Variants in PKIB observed in about 807,000 individuals in gnomAD.
PKIB encodes the protein PKI-beta.
Under a neutral mutation model 4.5 loss-of-function variants are expected in PKIB, and 2 were observed. That is an observed-to-expected ratio of 0.44 (90% confidence interval 0.18 to 1.39). PKIB has a LOEUF of 1.39. Among genes scored for constraint, PKIB ranks in the 40% most tolerant of loss-of-function variants. PKIB has a pLI of 0.27. For synonymous variants in PKIB, 38 were observed against 36.0 expected (o/e 1.06, Z -0.20); for missense variants, 94 against 92.6 (o/e 1.02, Z -0.06).
chr6:122,479,563 A>G (rs544669102), intron 2 of PKIB: 1 of 152,356 alleles, frequency 6.6e-6, no homozygotes, highest in South Asian at 2.1e-4. Context: ...GTGCTTAGAC[A>G]TCAGAAGTCT....
intron 3 of PKIB, among the ~76,000 whole-genome samples, chr6:122,694,820 A>G (rs182628280): frequency 4.6e-5 from 7 of 152,334 alleles, no homozygotes; most frequent in African/African-American, 1.4e-4. Flanking sequence ...CGAGGTGTAC[A>G]TAGCTGGGAG....
At chr6:122,645,034 G>A (rs995119726) in intron 2 of PKIB, among the ~76,000 whole-genome samples, 3 of 152,114 alleles carry the variant, frequency 2.0e-5, no homozygotes, top group Admixed American at 6.6e-5. Context: ...CTTTATAACT[G>A]TGCTATTAGA....
intron 2 of PKIB, among the ~76,000 whole-genome samples, chr6:122,584,286 T>A (rs1272995554): frequency 6.6e-6 from 1 of 152,124 alleles, no homozygotes; most frequent in Admixed American, 6.6e-5. Context: ...TTTTTTCTTA[T>A]CTCATGGTAA....
intron 4 of PKIB, among the ~76,000 whole-genome samples, chr6:122,719,688 A>G (rs989301758): frequency 6.6e-6 from 1 of 151,126 alleles, no homozygotes; most frequent in African/African-American, 2.4e-5. Flanking sequence ...TTGCCAAGTG[A>G]GTAGATTGTG....
intron 2 of PKIB, among the ~76,000 whole-genome samples, chr6:122,552,641 G>C (rs945334241): frequency 6.6e-6 from 1 of 152,200 alleles, no homozygotes; most frequent in South Asian, 2.1e-4. Flanking sequence ...GCCTCCCAAA[G>C]TGCTGGGATT....
At chr6:122,596,719 AC>A (rs200655599) in intron 3 of PKIB, among the ~76,000 whole-genome samples, 1,988 of 152,236 alleles carry the variant, frequency 0.013, 51 homozygotes, top group African/African-American at 0.046. Context: ...ACTGTGATTC[AC>A]CTATGAGAGC....
chr6:122,571,828 A>T (rs923152387), intron 2 of PKIB, among the ~76,000 whole-genome samples: 2 of 152,250 alleles, frequency 1.3e-5, no homozygotes, highest in Non-Finnish European at 2.9e-5. Context: ...AACATAATGA[A>T]GAAAAACAAA....
chr6:122,488,746 G>T (rs1212803947), intron 2 of PKIB, among the ~76,000 whole-genome samples: 1 of 152,130 alleles, frequency 6.6e-6, no homozygotes, highest in African/African-American at 2.4e-5. Flanking sequence ...GGAGCACTAC[G>T]TCTGCTCACT....
intron 2 of PKIB, among the ~76,000 whole-genome samples, chr6:122,646,628 G>T (rs1048763626): frequency 6.6e-6 from 1 of 152,120 alleles, no homozygotes; most frequent in African/African-American, 2.4e-5. Context: ...AAAAATCCGT[G>T]TTTCTTTTTA....
intron 3 of PKIB, among the ~76,000 whole-genome samples, chr6:122,714,419 T>C (rs4373394): frequency 0.99 from 150,107 of 152,286 alleles, 74,013 homozygotes; most frequent in Middle Eastern, 1. Context: ...ATGAATATAA[T>C]TTTAACAAAC....
intron 4 of PKIB, among the ~76,000 whole-genome samples, chr6:122,718,241 G>A (rs1279152310): frequency 2.0e-5 from 3 of 152,248 alleles, no homozygotes; most frequent in Admixed American, 2.0e-4. Context: ...GAATACAAAG[G>A]TGAACAAATA....
chr6:122,622,837 A>G (rs1258913586), intron 1 of PKIB, among the ~76,000 whole-genome samples: 1 of 152,190 alleles, frequency 6.6e-6, no homozygotes, highest in Non-Finnish European at 1.5e-5. Context: ...TGAACGTGCA[A>G]GTGATTTATG....
At chr6:122,592,977 G>A (rs987174636) in intron 3 of PKIB, among the ~76,000 whole-genome samples, 2 of 152,138 alleles carry the variant, frequency 1.3e-5, no homozygotes, top group African/African-American at 2.4e-5. Context: ...GTCAAGTAAC[G>A]TTAACATTTT....
At chr6:122,572,882 A>T (rs1773412400) in intron 2 of PKIB, among the ~76,000 whole-genome samples, 1 of 152,190 alleles carries the variant, frequency 6.6e-6, no homozygotes, top group African/African-American at 2.4e-5. Flanking sequence ...GAGGAAATGG[A>T]TAACTTCCTG....
At chr6:122,720,706 A>G (rs1468444423) in intron 4 of PKIB, among the ~76,000 whole-genome samples, 3 of 148,272 alleles carry the variant, frequency 2.0e-5, no homozygotes, top group African/African-American at 7.4e-5. Flanking sequence ...ATTTGAGTGT[A>G]TTTTTTTTTT....
chr6:122,637,712 C>T (rs1378619323), intron 2 of PKIB, among the ~76,000 whole-genome samples: 2 of 149,768 alleles, frequency 1.3e-5, no homozygotes, highest in South Asian at 2.1e-4. Context: ...GCAGAGATCA[C>T]GTCACTGCAT....
chr6:122,697,953 T>C (rs1778639186), intron 3 of PKIB, among the ~76,000 whole-genome samples: 1 of 152,132 alleles, frequency 6.6e-6, no homozygotes, highest in Non-Finnish European at 1.5e-5. Context: ...AAACAAGAGA[T>C]TCACAGAGTT....
At chr6:122,560,058 G>T (rs941643941) in intron 2 of PKIB, among the ~76,000 whole-genome samples, 25 of 152,200 alleles carry the variant, frequency 1.6e-4, no homozygotes, top group Admixed American at 9.8e-4. Flanking sequence ...GATTGCTCTG[G>T]CTAGGACTTC....
At chr6:122,557,325 C>T (rs1772875832) in intron 2 of PKIB, among the ~76,000 whole-genome samples, 1 of 152,220 alleles carries the variant, frequency 6.6e-6, no homozygotes, top group South Asian at 2.1e-4. Context: ...TTCAACTCAA[C>T]CGATACCTGT....
Sources: allele counts gnomAD v4.1 joint callset (sites outside exome capture counted in the v4.1 genomes callset), GRCh38; gene constraint gnomAD v4.1.1; transcripts MANE v1.5; gene names NCBI Gene and HGNC (gene_info 2026-07-23, HGNC 2026-07-21).